PTPRM: variants seen among roughly 807,000 people sequenced by gnomAD.
PTPRM encodes protein tyrosine phosphatase receptor type M.
A neutral mutation model predicts 186.7 loss-of-function variants in PTPRM; 47 were observed. The observed-to-expected ratio is 0.25, with a 90% CI of 0.20 to 0.32. The LOEUF is 0.32. Among genes scored for constraint, PTPRM ranks in the 10% least tolerant of loss-of-function variants. The pLI, the probability that PTPRM is intolerant of heterozygous loss-of-function variation, is 1.00. For synonymous variants in PTPRM, 668 were observed against 674.9 expected (o/e 0.99, Z 0.16); for missense variants, 1,494 against 1,865.0 (o/e 0.80, Z 3.66).
At chr18:7,644,658 A>C (rs938001285) in intron 1 of PTPRM, among the ~76,000 whole-genome samples, 2 of 152,154 alleles carry the variant, frequency 1.3e-5, no homozygotes, top group African/African-American at 4.8e-5. Context: ...TATTAAAAAA[A>C]TGCTATTGCA....
At chr18:8,356,022 A>G (rs904043833) in intron 23 of PTPRM, among the ~76,000 whole-genome samples, 18 of 152,204 alleles carry the variant, frequency 1.2e-4, no homozygotes, top group African/African-American at 4.3e-4. Flanking sequence ...TTGACAAGCC[A>G]CCCAATAGGG....
chr18:8,266,568 T>G (rs191658834), intron 19 of PTPRM, among the ~76,000 whole-genome samples: 1 of 152,316 alleles, frequency 6.6e-6, no homozygotes, highest in East Asian at 1.9e-4. Flanking sequence ...CTTTTCCAAT[T>G]TCTATTGTCT....
At chr18:7,656,538 CTG>C (rs949603724) in intron 1 of PTPRM, among the ~76,000 whole-genome samples, 5 of 152,008 alleles carry the variant, frequency 3.3e-5, no homozygotes, top group Admixed American at 3.3e-4. Flanking sequence ...GCACTTAAGA[CTG>C]TGAATTTTAT....
intron 19 of PTPRM, among the ~76,000 whole-genome samples, chr18:8,274,456 G>A (rs998237564): frequency 2.2e-4 from 33 of 152,108 alleles, no homozygotes; most frequent in African/African-American, 7.5e-4. Flanking sequence ...CTTTTCCAAT[G>A]CTTTTCCCAT....
At chr18:7,960,787 C>T (rs913428110) in intron 7 of PTPRM, among the ~76,000 whole-genome samples, 10 of 150,036 alleles carry the variant, frequency 6.7e-5, no homozygotes, top group African/African-American at 2.0e-4. Flanking sequence ...TACCTACACA[C>T]AACACATGTG....
rs114076283 is a variant in PTPRM at position 7,948,049 on chromosome 18, A to G, written c.664-1132A>G. Among the ~76,000 whole-genome samples the G allele has an allele frequency of 5.1e-3, 774 of 151,804 alleles. 6 individuals are homozygous for G. The highest frequency in any genetic ancestry group is 0.018 in the African/African-American group (744 of 41,372). ...ACGCTTGGCATAATGATCATGTATTAGCCTTGAGGTCTTTGTCCATTGTTT... is the reference window on the plus strand; with the variant it reads ...ACGCTTGGCATAATGATCATGTATTGGCCTTGAGGTCTTTGTCCATTGTTT... On this transcript the variant is annotated intron_variant, in intron 5 of 32. Coordinates refer to ENST00000580170, the MANE Select transcript of PTPRM (RefSeq NM_001105244.2).
At chr18:8,081,393 T>G (rs1228906401) in intron 9 of PTPRM, among the ~76,000 whole-genome samples, 1 of 152,128 alleles carries the variant, frequency 6.6e-6, no homozygotes, top group African/African-American at 2.4e-5. Flanking sequence ...TGCAGCAACG[T>G]TTTTTACAGA....
intron 14 of PTPRM, among the ~76,000 whole-genome samples, chr18:8,153,450 A>G (rs569650295): frequency 6.6e-6 from 1 of 152,222 alleles, no homozygotes; most frequent in Non-Finnish European, 1.5e-5. Context: ...CCAACAAGTC[A>G]TGTCAGATTT....
At chr18:8,295,416 GA>G (rs1372007718) in intron 19 of PTPRM, among the ~76,000 whole-genome samples, 3 of 145,802 alleles carry the variant, frequency 2.1e-5, no homozygotes. Context: ...AGAACTGAGA[GA>G]ACTTGAAAGC....
intron 7 of PTPRM, among the ~76,000 whole-genome samples, chr18:8,013,632 A>G (rs746501431): frequency 1.5e-4 from 23 of 152,162 alleles, no homozygotes; most frequent in Non-Finnish European, 2.9e-4. Context: ...GGACTCGTAC[A>G]GTTCAAATCT....
intron 1 of PTPRM, among the ~76,000 whole-genome samples, chr18:7,769,430 C>T (rs1356389309): frequency 1.3e-5 from 2 of 152,060 alleles, no homozygotes; most frequent in African/African-American, 2.4e-5. Context: ...ATGTTAGTCT[C>T]TATTATCAGA....
chr18:8,262,590 T>C (rs574967365), intron 19 of PTPRM, among the ~76,000 whole-genome samples: 27 of 152,236 alleles, frequency 1.8e-4, no homozygotes, highest in South Asian at 6.2e-4. Flanking sequence ...CCAAATCCCT[T>C]TGGACACAGC....
rs545797382 is a variant in PTPRM at position 7,619,010 on chromosome 18, C to T, written c.73+51119C>T. On this transcript the variant is annotated intron_variant, in intron 1 of 32. Coordinates refer to ENST00000580170, the MANE Select transcript of PTPRM (RefSeq NM_001105244.2). ...AAGCATGAAACAGTCCCCGGGCTCT[C>T]GGAGGATTTACTTAGCAGTTTGAAT... Among the ~76,000 whole-genome samples the T allele has an allele frequency of 1.2e-4, 19 of 152,194 alleles. No individual in the cohort carries two copies. In the East Asian group the frequency reaches 3.1e-3, roughly 25 times the overall value.
intron 7 of PTPRM, among the ~76,000 whole-genome samples, chr18:8,054,350 T>A (rs985155259): frequency 6.8e-6 from 1 of 147,270 alleles, no homozygotes; most frequent in African/African-American, 2.5e-5. Flanking sequence ...GACTTCTGTG[T>A]ACCACTTTTC....
intron 1 of PTPRM, among the ~76,000 whole-genome samples, chr18:7,667,172 T>G (rs1331330331): frequency 1.3e-5 from 2 of 152,222 alleles, no homozygotes; most frequent in Non-Finnish European, 2.9e-5. Flanking sequence ...AAATTAATCA[T>G]GAGCATAATT....
At chr18:8,354,078 T>A (rs1179302307) in intron 23 of PTPRM, among the ~76,000 whole-genome samples, 1 of 152,010 alleles carries the variant, frequency 6.6e-6, no homozygotes, top group Non-Finnish European at 1.5e-5. Context: ...CTGGGCGTGG[T>A]GGCGGGTGCC....
intron 19 of PTPRM, among the ~76,000 whole-genome samples, chr18:8,254,857 C>A (rs1229663654): frequency 1.3e-5 from 2 of 152,234 alleles, no homozygotes; most frequent in East Asian, 3.8e-4. Flanking sequence ...CAGACATAGA[C>A]ACACTTTGCT....
chr18:7,646,576 A>G (rs1455626814), intron 1 of PTPRM, among the ~76,000 whole-genome samples: 3 of 152,032 alleles, frequency 2.0e-5, no homozygotes, highest in Non-Finnish European at 4.4e-5. Context: ...GAAGCTGGGA[A>G]CCTCAGTATT....
At chr18:8,257,300 C>T (rs570604385) in intron 19 of PTPRM, among the ~76,000 whole-genome samples, 71 of 152,258 alleles carry the variant, frequency 4.7e-4, no homozygotes, top group South Asian at 3.7e-3. Context: ...CCAGGACGGG[C>T]TGGTCTGTGG....
Sources: gnomAD v4.1 joint callset for allele counts (sites outside exome capture counted in the v4.1 genomes callset) on GRCh38, gnomAD v4.1.1 for gene constraint, MANE v1.5 for transcripts, NCBI Gene and HGNC (gene_info 2026-07-23, HGNC 2026-07-21) for gene names.